ST6GALNAC5: variants seen among roughly 807,000 people sequenced by gnomAD.
The protein encoded by ST6GALNAC5 is ST6 N-acetylgalactosaminide alpha-2,6-sialyltransferase 5, also known as alpha-N-acetylgalactosaminide alpha-2,6-sialyltransferase 5.
A neutral mutation model predicts 33.6 loss-of-function variants in ST6GALNAC5; 27 were observed. That is an observed-to-expected ratio of 0.80 (90% CI 0.59 to 1.11). The LOEUF (loss-of-function observed/expected upper bound fraction) is 1.11. Ranked by LOEUF, ST6GALNAC5 falls within the 50% of genes least tolerant of loss-of-function variation. The pLI is 0.00. For synonymous variants in ST6GALNAC5, 194 were observed against 171.2 expected (o/e 1.13, Z -1.04); for missense variants, 428 against 454.0 (o/e 0.94, Z 0.52).
chr1:76,936,990 A>C (rs199720333), intron 2 of ST6GALNAC5, among the ~76,000 whole-genome samples: 7 of 90,558 alleles, frequency 7.7e-5, no homozygotes, highest in East Asian at 3.2e-4. Flanking sequence ...GTGTGTGTGT[A>C]TGTGTTAGAA....
At chr1:77,018,249 A>G (rs1295681480) in intron 2 of ST6GALNAC5, among the ~76,000 whole-genome samples, 2 of 152,168 alleles carry the variant, frequency 1.3e-5, no homozygotes, top group Non-Finnish European at 2.9e-5. Flanking sequence ...CGATACCCCC[A>G]TTTTTGCTTC....
At chr1:76,912,124 G>A (rs1053203945) in intron 2 of ST6GALNAC5, among the ~76,000 whole-genome samples, 7 of 152,006 alleles carry the variant, frequency 4.6e-5, no homozygotes, top group Admixed American at 1.3e-4. Flanking sequence ...GGTATGTTGT[G>A]TCTTTGTTCT....
At chr1:76,924,543 T>A (rs942262054) in intron 2 of ST6GALNAC5, among the ~76,000 whole-genome samples, 9 of 152,126 alleles carry the variant, frequency 5.9e-5, no homozygotes, top group Non-Finnish European at 1.5e-5. Context: ...ATAACCAGAA[T>A]TTTTGCCTGT....
chr1:76,900,569 G>GT (rs1483123724), intron 2 of ST6GALNAC5, among the ~76,000 whole-genome samples: 2 of 152,066 alleles, frequency 1.3e-5, no homozygotes, highest in Non-Finnish European at 2.9e-5. Context: ...AATTATTTTG[G>GT]TTTCTCTCTA....
chr1:77,043,620 T>C (rs1651905510), intron 2 of ST6GALNAC5, among the ~76,000 whole-genome samples: 1 of 152,234 alleles, frequency 6.6e-6, no homozygotes, highest in Non-Finnish European at 1.5e-5. Context: ...TCATTTCCCA[T>C]ATGATGCTTA....
At chr1:77,005,135 A>T (rs1391785530) in intron 2 of ST6GALNAC5, among the ~76,000 whole-genome samples, 1 of 152,124 alleles carries the variant, frequency 6.6e-6, no homozygotes, top group African/African-American at 2.4e-5. Flanking sequence ...TGTGCTAGCA[A>T]TCAGCGAGAC....
At chr1:77,020,396 G>T (rs533377060) in intron 2 of ST6GALNAC5, among the ~76,000 whole-genome samples, 1 of 152,164 alleles carries the variant, frequency 6.6e-6, no homozygotes, top group African/African-American at 2.4e-5. Context: ...TTTGTTGTTT[G>T]TTTGTTTGTT....
intron 2 of ST6GALNAC5, among the ~76,000 whole-genome samples, chr1:76,907,126 T>C (rs1372270986): frequency 2.6e-5 from 4 of 152,176 alleles, no homozygotes; most frequent in Non-Finnish European, 5.9e-5. Flanking sequence ...ACAAGCCTTC[T>C]TGTAGCCCTT....
chr1:77,024,358 C>G (rs1301175085), intron 2 of ST6GALNAC5, among the ~76,000 whole-genome samples: 1 of 152,212 alleles, frequency 6.6e-6, no homozygotes. Flanking sequence ...AAAGAGCTGA[C>G]TCTCAGGATA....
chr1:76,893,948 C>T (rs888700344), intron 2 of ST6GALNAC5, among the ~76,000 whole-genome samples: 6 of 152,270 alleles, frequency 3.9e-5, no homozygotes, highest in East Asian at 3.9e-4. Context: ...AATGAGCCAC[C>T]GCGCCCAGCC....
chr1:76,988,585 G>C (rs1394169604), intron 2 of ST6GALNAC5, among the ~76,000 whole-genome samples: 1 of 151,978 alleles, frequency 6.6e-6, no homozygotes, highest in Non-Finnish European at 1.5e-5. Context: ...CTTTTCTGGT[G>C]TTTGCTTTGA....
At chr1:77,031,080 G>A (rs1651433800) in intron 2 of ST6GALNAC5, among the ~76,000 whole-genome samples, 1 of 152,156 alleles carries the variant, frequency 6.6e-6, no homozygotes, top group Admixed American at 6.5e-5. Context: ...ACCATTCTGT[G>A]GCCCCAGAGG....
intron 2 of ST6GALNAC5, among the ~76,000 whole-genome samples, chr1:76,986,332 A>G (rs1386487671): frequency 6.6e-6 from 1 of 152,140 alleles, no homozygotes; most frequent in Non-Finnish European, 1.5e-5. Flanking sequence ...AAAACAAACA[A>G]CCCCATCAAA....
intron 2 of ST6GALNAC5, among the ~76,000 whole-genome samples, chr1:76,884,876 A>T (rs927909702): frequency 2.0e-5 from 3 of 152,218 alleles, no homozygotes; most frequent in Non-Finnish European, 4.4e-5. Flanking sequence ...AGGACTTATG[A>T]CAACTAGGGA....
At chr1:76,955,427 A>C (rs1647919362) in intron 2 of ST6GALNAC5, among the ~76,000 whole-genome samples, 1 of 152,198 alleles carries the variant, frequency 6.6e-6, no homozygotes, top group Admixed American at 6.6e-5. Flanking sequence ...TAAATTCAGC[A>C]ATCAGTATGG....
Position 76,922,510 on chromosome 1 carries a change from T to C in ST6GALNAC5, c.261+53768T>C, listed in dbSNP as rs141638657. On this transcript the variant is annotated intron_variant, in intron 2 of 4. Coordinates refer to ENST00000477717, the MANE Select transcript of ST6GALNAC5 (RefSeq NM_030965.3). ...TTTTTGGAGCTTATTCTAAAATGTATATGGAAAGGCATAGGCCCAAGAATG... is the reference window on the plus strand; with the variant it reads ...TTTTTGGAGCTTATTCTAAAATGTACATGGAAAGGCATAGGCCCAAGAATG... Among the ~76,000 whole-genome samples, 91 of 152,204 alleles carry C rather than the reference T, an allele frequency of 6.0e-4. No individual in the cohort carries two copies. In the East Asian group the frequency reaches 0.013, roughly 22 times the overall value.
intron 2 of ST6GALNAC5, among the ~76,000 whole-genome samples, chr1:76,955,948 C>G (rs964453975): frequency 3.9e-5 from 6 of 152,106 alleles, no homozygotes; most frequent in African/African-American, 1.2e-4. Context: ...AATCTTTTCA[C>G]CACTGTCTCC....
chr1:76,886,671 C>A (rs776981457), intron 2 of ST6GALNAC5, among the ~76,000 whole-genome samples: 1 of 152,196 alleles, frequency 6.6e-6, no homozygotes, highest in Admixed American at 6.5e-5. Flanking sequence ...TCACCCCAAA[C>A]GGAGACTCTG....
At chr1:77,046,633 AAG>A (rs1338831950) in intron 3 of ST6GALNAC5, among the ~76,000 whole-genome samples, 1 of 152,220 alleles carries the variant, frequency 6.6e-6, no homozygotes, top group African/African-American at 2.4e-5. Flanking sequence ...ACTCACAGAT[AAG>A]AGAGACTGTC....
Sources: allele counts gnomAD v4.1 joint callset (sites outside exome capture counted in the v4.1 genomes callset), GRCh38; gene constraint gnomAD v4.1.1; transcripts MANE v1.5; gene names NCBI Gene and HGNC (gene_info 2026-07-23, HGNC 2026-07-21).